Variants in PAPLN observed in about 807,000 individuals in gnomAD.
The protein encoded by PAPLN is papilin, proteoglycan like sulfated glycoprotein, also known as papilin.
A neutral mutation model predicts 159.0 loss-of-function variants in PAPLN; 146 were observed. That is an observed-to-expected ratio of 0.92 (90% CI 0.80 to 1.05). The LOEUF is 1.05. Among genes scored for constraint, PAPLN ranks in the 50% least tolerant of loss-of-function variants. The pLI, the probability that PAPLN is intolerant of heterozygous loss-of-function variation, is 0.00. For synonymous variants in PAPLN, 734 were observed against 702.9 expected (o/e 1.04, Z -0.70); for missense variants, 1,720 against 1,743.9 (o/e 0.99, Z 0.24).
chr14:73,261,238 A>G lies in PAPLN; in HGVS notation c.2189A>G (p.Asn730Ser). Residue 730 changes from asparagine to serine, a missense_variant, in exon 18 of 27, where the codon AAC becomes AGC. By Grantham distance (46) the Asn-to-Ser change is conservative. Transcript: ENST00000644200. Reference protein sequence around the residue: ...RGSQFGCCYDNVATAAGPLGE... With the variant: ...RGSQFGCCYDSVATAAGPLGE... ...TCCCAGTTTGGCTGTTGCTATGACA[A>G]CGTGGCCACTGCAGCCGGTCCTCTT... 6 of 1,613,688 alleles carry G rather than the reference A, an allele frequency of 3.7e-6. No homozygotes were observed. The highest frequency in any genetic ancestry group is 5.1e-6 in the Non-Finnish European group (6 of 1,179,982).
rs1379175621 is a variant in PAPLN at position 73,260,566 on chromosome 14, C to T, written c.1986-143C>T. Reference sequence around the variant, plus strand: ...AGATTGCGGCACACAAAATGGCCTGCCCTGCACACGGGGACACGTCCTCTC... The same window carrying T: ...AGATTGCGGCACACAAAATGGCCTGTCCTGCACACGGGGACACGTCCTCTC... On this transcript the variant is annotated intron_variant, in intron 16 of 26. Transcript: ENST00000644200. 14 of 1,110,716 alleles carry T rather than the reference C, an allele frequency of 1.3e-5. No individual in the cohort carries two copies. The East Asian group carries it at 3.4e-4, about 27-fold the overall frequency. 68.8% of individuals were successfully genotyped at this position (1,110,716 alleles called of 1,614,324 possible).
In PAPLN at chr14:73,272,532, C is replaced by T. The variant is rs772273922; in HGVS notation, c.3705C>T (p.Cys1235=). The T allele has an allele frequency of 6.3e-5, 100 of 1,583,410 alleles. No homozygotes were observed. The highest frequency in any genetic ancestry group is 6.2e-4 in the South Asian group (55 of 89,196). The change falls in exon 27 of 27, where the codon TGC becomes TGT. Residue 1235 remains cysteine (C), a synonymous_variant. Coordinates refer to ENST00000644200, the MANE Select transcript of PAPLN (RefSeq NM_001365906.3). ...TAQPRDPGRD[C]VDQPELANCD... is the part of the protein sequence containing the mutation. ...AGCCCAGGGACCCTGGCAGGGACTGCGTCGACCAGCCAGAGCTGGCCAACT... is the reference window on the plus strand; with the variant it reads ...AGCCCAGGGACCCTGGCAGGGACTGTGTCGACCAGCCAGAGCTGGCCAACT...
In PAPLN at chr14:73,254,969, G is replaced by A. The variant is rs550324714; in HGVS notation, c.1578G>A (p.Lys526=). The change falls in exon 14 of 27, where the codon AAG becomes AAA. Residue 526 remains lysine, a synonymous_variant. Transcript: ENST00000644200. ...ACTGCGGGAGCCTGCAGCACTCCAA[G>A]CCTGTGGATGTGGAGCCTTGTAACA... ...PSHCGSLQHS[K]PVDVEPCNTQ... 4 of 1,613,808 alleles carry A rather than the reference G, an allele frequency of 2.5e-6. No individual in the cohort carries two copies. The South Asian group carries it at 3.3e-5, about 13-fold the overall frequency.
intron 5 of PAPLN, chr14:73,249,731 A>T (rs1337866313): frequency 4.3e-6 from 1 of 231,880 alleles, no homozygotes; most frequent in East Asian, 8.8e-5. Flanking sequence ...GTGGTAAATA[A>T]TGCTGAGGTA....
chr14:73,239,851 CG>C lies in PAPLN; in HGVS notation c.54+21del. 2 of 1,570,034 alleles carry C rather than the reference CG, an allele frequency of 1.3e-6. No homozygotes were observed. Among genetic ancestry groups the C allele is most frequent in the Non-Finnish European group, 1.7e-6 (2 of 1,163,730 alleles). ...GTCCTCGGTGAGTGCGGTCCTGCCCCGGCCCCCGGAGGAACCTGCAGGGGAG... is the reference window on the plus strand; with the variant it reads ...GTCCTCGGTGAGTGCGGTCCTGCCCCGCCCCCGGAGGAACCTGCAGGGGAG... On this transcript the variant is annotated intron_variant, in intron 2 of 26. Coordinates refer to ENST00000644200, the MANE Select transcript of PAPLN (RefSeq NM_001365906.3).
chr14:73,251,243 G>A (rs1885218811), intron 7 of PAPLN, among the ~76,000 whole-genome samples: 1 of 152,156 alleles, frequency 6.6e-6, no homozygotes, highest in African/African-American at 2.4e-5. Flanking sequence ...GCCACCGCCT[G>A]GATGCCCTCC....
In PAPLN at chr14:73,265,550, C is replaced by G; in HGVS notation, c.3263+43C>G. ...CCCCTTCCTCCTATTCTGCCTCCAG[C>G]CCCACCTTATCCTATGGAGGCCACC... On this transcript the variant is annotated intron_variant, in intron 23 of 26. Coordinates refer to ENST00000644200, the MANE Select transcript of PAPLN (RefSeq NM_001365906.3). The surrounding 1 kb of genome is among the most constrained non-coding windows in gnomAD (Gnocchi z 4.1). 1 of 1,601,250 alleles carries G rather than the reference C, an allele frequency of 6.2e-7. No homozygotes were observed. Among genetic ancestry groups the G allele is most frequent in the African/African-American group, 1.3e-5 (1 of 74,980 alleles).
In PAPLN at chr14:73,245,453, G is replaced by A; in HGVS notation, c.171-183G>A. On this transcript the variant is annotated intron_variant, in intron 3 of 26. Transcript: ENST00000644200. This position sits in a 1 kb window ranked among gnomAD's most constrained non-coding sequence, Gnocchi z 4.2. ...GTAGGGCTCTGAGTCCCGCTTCTCT[G>A]GAGTACCAACATGGGTCGCTCACTC... The A allele has an allele frequency of 1.6e-6, 1 of 624,440 alleles. No individual in the cohort carries two copies. Among genetic ancestry groups the A allele is most frequent in the Non-Finnish European group, 2.8e-6 (1 of 361,136 alleles). The allele number at this position is 624,440 out of a possible 1,614,324, so 38.7% of individuals were successfully genotyped here. A position where few individuals can be genotyped will look rare whatever the true frequency, so the allele number is the denominator to read the frequency against.
At chr14:73,271,120 G>A (rs1388860830) in intron 26 of PAPLN, among the ~76,000 whole-genome samples, 2 of 152,190 alleles carry the variant, frequency 1.3e-5, no homozygotes, top group East Asian at 1.9e-4. Context: ...GGCAGAGCCC[G>A]GATTGAGCCC....
chr14:73,256,676 G>A (rs973108593), intron 14 of PAPLN, among the ~76,000 whole-genome samples: 4 of 151,978 alleles, frequency 2.6e-5, no homozygotes, highest in African/African-American at 9.7e-5. Context: ...CAGATCACTT[G>A]AGCTCAGGAG....
At chr14:73,247,514 CTGTGTATGTG>C (rs1430248503) in intron 5 of PAPLN, among the ~76,000 whole-genome samples, 2 of 149,010 alleles carry the variant, frequency 1.3e-5, no homozygotes, top group Non-Finnish European at 3.0e-5. Context: ...GTCTCATATC[CTGTGTATGTG>C]TGTGTGTGTG....
intron 7 of PAPLN, 99 bp downstream of exon 7, chr14:73,251,129 C>T (rs943636231): frequency 4.0e-5 from 61 of 1,506,708 alleles, no homozygotes; most frequent in Non-Finnish European, 5.1e-5. Flanking sequence ...GCCAAGTGGC[C>T]CTCATGGCAC....
At chr14:73,243,835 T>G (rs1883883095) in intron 2 of PAPLN, 1 of 152,246 alleles carries the variant, frequency 6.6e-6, no homozygotes, top group Non-Finnish European at 1.5e-5. Context: ...TCTGGGGCTA[T>G]TCTGTTGCAC....
chr14:73,269,961 A>C (rs1007528544), intron 26 of PAPLN, among the ~76,000 whole-genome samples: 4 of 152,138 alleles, frequency 2.6e-5, no homozygotes, highest in African/African-American at 9.7e-5. Flanking sequence ...AGTGGGACTG[A>C]CTTGTCGGCT....
Position 73,253,792 on chromosome 14 carries a change from G to A in PAPLN, c.1133G>A (p.Cys378Tyr). The change falls in exon 12 of 27, where the codon TGT becomes TAT. Residue 378 changes from cysteine to tyrosine, a missense_variant. Physicochemically the swap from Cys to Tyr is radical, Grantham distance 194. Coordinates refer to ENST00000644200, the MANE Select transcript of PAPLN (RefSeq NM_001365906.3). Reference sequence around the variant, plus strand: ...CCATGGGCACCCTGCTCAGCCTCCTGTGGAGGAGGCTCCCAGTCCCGCTCC... The same window carrying A: ...CCATGGGCACCCTGCTCAGCCTCCTATGGAGGAGGCTCCCAGTCCCGCTCC... ...AGPWAPCSAS[C>Y]GGGSQSRSVY... The A allele has an allele frequency of 1.2e-6, 2 of 1,609,916 alleles. No individual in the cohort carries two copies. The highest frequency in any genetic ancestry group is 1.7e-6 in the Non-Finnish European group (2 of 1,177,080).
chr14:73,260,788 AGCACCGGGGGCATGCCC>A lies in PAPLN; in HGVS notation c.2066_2082del (p.Ser689LysfsTer21). ...CTGCACAAAGTCGTATGGTGGTGACAGCACCGGGGGCATGCCCAGGTCAAGGGCAGTGGCTTCTACAG... is the reference window on the plus strand; with the variant it reads ...CTGCACAAAGTCGTATGGTGGTGACAAGGTCAAGGGCAGTGGCTTCTACAG... On this transcript the variant is annotated frameshift_variant, in exon 17 of 27. Transcript: ENST00000644200. LOFTEE classifies it high-confidence loss of function. 1 of 1,493,350 alleles carries A rather than the reference AGCACCGGGGGCATGCCC, an allele frequency of 6.7e-7. No homozygotes were observed. Among genetic ancestry groups the A allele is most frequent in the Non-Finnish European group, 8.9e-7 (1 of 1,124,028 alleles). The allele number at this position is 1,493,350 out of a possible 1,614,324, so 92.5% of individuals were successfully genotyped here. A position where few individuals can be genotyped will look rare whatever the true frequency, so the allele number is the denominator to read the frequency against.
intron 16 of PAPLN, among the ~76,000 whole-genome samples, chr14:73,260,003 A>G (rs1886373906): frequency 6.6e-6 from 1 of 151,368 alleles, no homozygotes; most frequent in South Asian, 2.1e-4. Context: ...TCCTCCTTCT[A>G]TGGCCTGCCC....
rs11851485 is a variant in PAPLN at position 73,254,871 on chromosome 14, C to T, written c.1486-6C>T. On this transcript the variant is annotated splice_polypyrimidine_tract_variant and splice_region_variant and intron_variant, in intron 13 of 26. Transcript: ENST00000644200. ...CATCTCTCTCTCTCCCACTCGTGGG[C>T]CTCAGTGCTCCAAGAGCTGCAGCTC... 11 of 1,610,690 alleles carry T rather than the reference C, an allele frequency of 6.8e-6. No individual in the cohort carries two copies. In the African/African-American group the frequency reaches 1.2e-4, roughly 18 times the overall value.
At chr14:73,263,885 CA>C (rs1350361009) in intron 20 of PAPLN, 103 bp downstream of exon 20, 438 of 1,241,366 alleles carry the variant, frequency 3.5e-4, no homozygotes, top group Non-Finnish European at 4.5e-4. Context: ...ATAGGTGTGA[CA>C]GACCCCCTCC....
Sources: gnomAD v4.1 joint callset for allele counts (sites outside exome capture counted in the v4.1 genomes callset) on GRCh38, gnomAD v4.1.1 for gene constraint, Gnocchi (gnomAD v3.1) non-coding constraint, MANE v1.5 for transcripts, NCBI Gene and HGNC (gene_info 2026-07-23, HGNC 2026-07-21) for gene names.